Variants in CTNNA2 observed in about 807,000 individuals in gnomAD.
The protein encoded by CTNNA2 is catenin alpha 2, also known as catenin alpha-2.
CTNNA2 carries 42 observed loss-of-function variants against 101.0 expected under a neutral mutation model. The observed-to-expected ratio is 0.42, with a 90% confidence interval of 0.32 to 0.54. CTNNA2 has a LOEUF of 0.54. Ranked by LOEUF, CTNNA2 falls within the 20% of genes least tolerant of loss-of-function variation. The pLI, the probability that CTNNA2 is intolerant of heterozygous loss-of-function variation, is 0.14. For missense variants in CTNNA2, 871 were observed against 1,223.1 expected (o/e 0.71, Z 4.29); for synonymous variants, 450 against 456.4 (o/e 0.99, Z 0.18).
intron 5 of CTNNA2, among the ~76,000 whole-genome samples, chr2:79,872,366 G>A (rs1682657057): frequency 6.6e-6 from 1 of 151,716 alleles, no homozygotes; most frequent in Non-Finnish European, 1.5e-5. Context: ...TCTGTATTTA[G>A]ATCTATTTTA....
chr2:80,513,866 T>C (rs911325761), intron 9 of CTNNA2, among the ~76,000 whole-genome samples: 3 of 152,220 alleles, frequency 2.0e-5, no homozygotes, highest in Non-Finnish European at 4.4e-5. Context: ...TTTTCTGGAT[T>C]CTTCCCTCTG....
At chr2:79,972,267 G>T (rs558894609) in intron 7 of CTNNA2, among the ~76,000 whole-genome samples, 46 of 152,248 alleles carry the variant, frequency 3.0e-4, no homozygotes, top group African/African-American at 1.1e-3. Context: ...GCTACAATAA[G>T]GATAGAGAAG....
chr2:79,787,479 T>A (rs887155620), intron 3 of CTNNA2, among the ~76,000 whole-genome samples: 1 of 152,114 alleles, frequency 6.6e-6, no homozygotes, highest in Non-Finnish European at 1.5e-5. Flanking sequence ...TTAAAAAAAA[T>A]TATAGTTATT....
intron 7 of CTNNA2, among the ~76,000 whole-genome samples, chr2:80,364,914 G>T (rs974515693): frequency 1.8e-4 from 27 of 152,136 alleles, no homozygotes; most frequent in African/African-American, 6.5e-4. Context: ...GAACAGGGAA[G>T]AAACTCGGGT....
At chr2:79,512,174 AG>A (rs1269221762), upstream of CTNNA2, among the ~76,000 whole-genome samples, 2 of 152,132 alleles carry the variant, frequency 1.3e-5, no homozygotes, top group African/African-American at 4.8e-5. Flanking sequence ...TCCCTGCCCT[AG>A]CTATGTAAGT....
At chr2:79,355,255 C>A (rs1487961706) in intron 3 of CTNNA2, among the ~76,000 whole-genome samples, 1 of 152,022 alleles carries the variant, frequency 6.6e-6, no homozygotes, top group Non-Finnish European at 1.5e-5. Flanking sequence ...TTTTCTAATT[C>A]TGTGAAAAAT....
chr2:80,438,521 C>T (rs1053017860), intron 9 of CTNNA2, among the ~76,000 whole-genome samples: 4 of 151,962 alleles, frequency 2.6e-5, no homozygotes, highest in African/African-American at 9.7e-5. Flanking sequence ...ATTATTTATG[C>T]CAATTATTGC....
At chr2:79,452,804 C>T (rs890735517) in intron 4 of CTNNA2, among the ~76,000 whole-genome samples, 1 of 151,990 alleles carries the variant, frequency 6.6e-6, no homozygotes. Context: ...CCTAATGCAT[C>T]CTTCATTATC....
At chr2:79,445,017 C>T (rs909074123) in intron 4 of CTNNA2, among the ~76,000 whole-genome samples, 3 of 152,094 alleles carry the variant, frequency 2.0e-5, no homozygotes, top group South Asian at 2.1e-4. Flanking sequence ...CACAATACTA[C>T]TGGGGCAATC....
At chr2:79,198,936 G>T (rs1341133418) in intron 2 of CTNNA2, among the ~76,000 whole-genome samples, 1 of 152,188 alleles carries the variant, frequency 6.6e-6, no homozygotes, top group Non-Finnish European at 1.5e-5. Context: ...TCAGTGCAAA[G>T]GTGAGTGTAA....
At chr2:79,558,290 C>G (rs1323255441) in intron 1 of CTNNA2, among the ~76,000 whole-genome samples, 11 of 151,862 alleles carry the variant, frequency 7.2e-5, no homozygotes, top group African/African-American at 2.7e-4. Context: ...TCATTATTAA[C>G]TATAATTTAA....
At position 79,814,638 on chromosome 2, in the gene CTNNA2, C is replaced by CACACACACACACACACACATAT. The variant is rs145584853; in HGVS notation, c.299-43374_299-43373insCACACACACACACACACATATA. Among the ~76,000 whole-genome samples, 1,363 of 146,932 alleles carry CACACACACACACACACACATAT rather than the reference C, an allele frequency of 9.3e-3. 16 individuals are homozygous for CACACACACACACACACACATAT. The highest frequency in any genetic ancestry group is 0.033 in the African/African-American group (1,278 of 39,132). The stretch of plus-strand genomic sequence containing the variant: ...ACACACACACACACACACACACACA[C>CACACACACACACACACACATAT]ATATATATATATATCACAGTTTCTT... On this transcript the variant is annotated intron_variant, in intron 3 of 18. Coordinates refer to ENST00000402739, the MANE Select transcript of CTNNA2 (RefSeq NM_001282597.3).
intron 3 of CTNNA2, chr2:79,339,537 A>G (rs1262537795): frequency 1.3e-5 from 2 of 152,212 alleles, no homozygotes; most frequent in African/African-American, 4.8e-5. Flanking sequence ...CAGTTTTCAA[A>G]TGATTTTTAC....
chr2:80,477,892 C>A (rs182262863), intron 9 of CTNNA2, among the ~76,000 whole-genome samples: 1 of 152,098 alleles, frequency 6.6e-6, no homozygotes, highest in African/African-American at 2.4e-5. Context: ...CTTTTTACCC[C>A]CCTTTGGGTA....
At chr2:79,736,337 A>G (rs1487884150) in intron 2 of CTNNA2, among the ~76,000 whole-genome samples, 6 of 152,228 alleles carry the variant, frequency 3.9e-5, no homozygotes, top group South Asian at 2.1e-4. Flanking sequence ...CACTTACTCT[A>G]TCATTGCTAA....
chr2:80,066,517 A>C (rs1487538761), intron 7 of CTNNA2, among the ~76,000 whole-genome samples: 1 of 152,208 alleles, frequency 6.6e-6, no homozygotes, highest in Non-Finnish European at 1.5e-5. Context: ...CATCAGGGAA[A>C]TGCAAATAAA....
chr2:79,800,846 T>C (rs193205773), intron 3 of CTNNA2, among the ~76,000 whole-genome samples: 20 of 152,306 alleles, frequency 1.3e-4, no homozygotes, highest in African/African-American at 4.3e-4. Flanking sequence ...TGTTGCAATG[T>C]GATGTGAATC....
chr2:80,378,971 A>G (rs1348293684), intron 7 of CTNNA2, among the ~76,000 whole-genome samples: 1 of 152,072 alleles, frequency 6.6e-6, no homozygotes, highest in Non-Finnish European at 1.5e-5. Flanking sequence ...AGGATGCTTC[A>G]GGATGGGGAA....
intron 7 of CTNNA2, among the ~76,000 whole-genome samples, chr2:79,971,408 T>C (rs1473906567): frequency 6.6e-6 from 1 of 152,144 alleles, no homozygotes; most frequent in Non-Finnish European, 1.5e-5. Context: ...TGTTTTTCTC[T>C]GAGGCGGGTC....
Sources: gnomAD v4.1 joint callset for allele counts (sites outside exome capture counted in the v4.1 genomes callset) on GRCh38, gnomAD v4.1.1 for gene constraint, MANE v1.5 for transcripts, NCBI Gene and HGNC (gene_info 2026-07-23, HGNC 2026-07-21) for gene names.